OVCH1: variants seen among roughly 807,000 people sequenced by gnomAD.
OVCH1 encodes the protein ovochymase-1.
A neutral mutation model predicts 138.4 loss-of-function variants in OVCH1; 139 were observed. That is an observed-to-expected ratio of 1.00 (90% CI 0.87 to 1.16). The LOEUF (loss-of-function observed/expected upper bound fraction) is 1.16, where lower values mean the gene tolerates loss of function less well. Ranked by LOEUF, OVCH1 falls within the 50% of genes most tolerant of loss-of-function variation. The probability of loss-of-function intolerance (pLI) is 0.00; values close to 1 mark genes in which losing one functional copy is unlikely to be tolerated. For missense variants in OVCH1, 1,367 were observed against 1,357.9 expected (o/e 1.01, Z -0.11); for synonymous variants, 453 against 467.8 (o/e 0.97, Z 0.41).
chr12:29,474,060 A>AACACAC (rs1329610894), intron 14 of OVCH1, among the ~76,000 whole-genome samples: 10 of 115,306 alleles, frequency 8.7e-5, no homozygotes, highest in East Asian at 2.3e-4. Flanking sequence ...ATACTTAATA[A>AACACAC]ACACACACAC....
intron 6 of OVCH1, among the ~76,000 whole-genome samples, chr12:29,489,349 T>C (rs1031768697): frequency 6.6e-6 from 1 of 152,218 alleles, no homozygotes; most frequent in Non-Finnish European, 1.5e-5. Flanking sequence ...TCATCTTGCT[T>C]GATTCCATTA....
chr12:29,423,006 G>A (rs1340005653), downstream of OVCH1: 1 of 241,614 alleles, frequency 4.1e-6, no homozygotes, highest in Non-Finnish European at 8.3e-6. Context: ...TTGAAATGAA[G>A]ATATCCTTTT....
chr12:29,442,642 T>TA (rs547323331), intron 25 of OVCH1, among the ~76,000 whole-genome samples: 19 of 150,890 alleles, frequency 1.3e-4, no homozygotes, highest in African/African-American at 3.9e-4. Flanking sequence ...TAAAAAAAAA[T>TA]AAAAAAAAGA....
At chr12:29,449,303 A>G (rs905918966) in intron 22 of OVCH1, among the ~76,000 whole-genome samples, 18 of 147,424 alleles carry the variant, frequency 1.2e-4, no homozygotes, top group Non-Finnish European at 2.4e-4. Flanking sequence ...ACACACACAC[A>G]CACACACACA....
intron 22 of OVCH1, among the ~76,000 whole-genome samples, chr12:29,445,949 A>G (rs1197924648): frequency 6.6e-6 from 1 of 152,248 alleles, no homozygotes; most frequent in East Asian, 1.9e-4. Flanking sequence ...TTCTAAACTA[A>G]GAATAATTCA....
chr12:29,479,232 G>T (rs78916097), intron 8 of OVCH1, among the ~76,000 whole-genome samples: 3,073 of 152,228 alleles, frequency 0.02, 39 homozygotes, highest in African/African-American at 0.039. Context: ...GAATTTTGAT[G>T]TATAAATTGA....
At position 29,462,029 on chromosome 12, in the gene OVCH1, G is replaced by A. The variant is rs1459555723; in HGVS notation, c.2126-21C>T. On this transcript the variant is annotated intron_variant, in intron 18 of 27. Coordinates refer to ENST00000318184, the Ensembl canonical transcript of OVCH1. ...ACCATCTAATGAAGAAACATTCAGA[G>A]AGAGCTCGATGATGAAGTAAGCAGA... 1.9e-6 allele frequency: 3 copies of A among 1,606,662 alleles called. No individual in the cohort carries two copies. The South Asian group carries it at 3.3e-5, about 18-fold the overall frequency.
rs112156076 is a variant in OVCH1, at chr12:29,458,233, C to T, written c.2281-2828G>A. Among the ~76,000 whole-genome samples the T allele has an allele frequency of 5.3e-5, 8 of 152,104 alleles. 1 individual carries two copies. Among genetic ancestry groups the T allele is most frequent in the East Asian group, 1.9e-4 (1 of 5,182 alleles). On this transcript the variant is annotated intron_variant, in intron 19 of 27. Transcript: ENST00000318184. ...TTGGAATGATCACATTACCTGACTT[C>T]GAATTATATTACAAAGCTATAGTAA...
intron 3 of OVCH1, among the ~76,000 whole-genome samples, chr12:29,414,109 T>A (rs1378616954): frequency 6.8e-6 from 1 of 146,210 alleles, no homozygotes; most frequent in Non-Finnish European, 1.5e-5. Flanking sequence ...AACCTCTACC[T>A]CCACCTTCCA....
intron 16 of OVCH1, among the ~76,000 whole-genome samples, chr12:29,469,779 TG>T (rs895458465): frequency 5.3e-5 from 8 of 150,542 alleles, no homozygotes; most frequent in Admixed American, 6.6e-5. Context: ...AAGGTTGAGG[TG>T]GGAGGATCCC....
intron 18 of OVCH1, 76 bp downstream of exon 18, chr12:29,464,431 G>T: frequency 2.8e-6 from 4 of 1,450,546 alleles, no homozygotes; most frequent in Non-Finnish European, 3.8e-6. Flanking sequence ...AGCGGATGCT[G>T]CTTGATATCA....
intron 7 of OVCH1, chr12:29,487,070 T>G (rs1943131367): frequency 2.9e-6 from 1 of 350,322 alleles, no homozygotes; most frequent in Non-Finnish European, 5.8e-6. Flanking sequence ...TGGACTGCCA[T>G]GAGAAAGCGA....
intron 9 of OVCH1, 125 bp from the exon 11 acceptor site, chr12:29,477,603 G>C: frequency 1.2e-6 from 2 of 1,610,506 alleles, no homozygotes; most frequent in Non-Finnish European, 1.7e-6. Context: ...CTATTTAATG[G>C]TCCTTTGATC....
At position 29,477,629 on chromosome 12, in the gene OVCH1, C is replaced by CT; in HGVS notation, c.1070-52dup. On this transcript the variant is annotated intron_variant, in intron 9 of 27. Coordinates refer to ENST00000318184, the Ensembl canonical transcript of OVCH1. ...TCCTTTGATCATTCAACATTCCCTGCTTCAGTGACTTTGCTATTCCAGTCT... is the reference window on the plus strand; with the variant it reads ...TCCTTTGATCATTCAACATTCCCTGCTTTCAGTGACTTTGCTATTCCAGTCT... 1.9e-6 allele frequency: 3 copies of CT among 1,593,858 alleles called. No homozygotes were observed. The South Asian group carries it at 3.4e-5, about 18-fold the overall frequency.
chr12:29,460,104 C>A (rs991313801), intron 19 of OVCH1, among the ~76,000 whole-genome samples: 1 of 152,150 alleles, frequency 6.6e-6, no homozygotes, highest in Non-Finnish European at 1.5e-5. Flanking sequence ...CATATATGGG[C>A]AGTACATTTG....
At chr12:29,466,524 A>C (rs189705281) in intron 16 of OVCH1, among the ~76,000 whole-genome samples, 81 of 152,270 alleles carry the variant, frequency 5.3e-4, no homozygotes, top group South Asian at 4.6e-3. Context: ...AGTTCAAAGG[A>C]ATTTATCAGT....
chr12:29,457,472 C>T (rs1388607009), intron 19 of OVCH1, among the ~76,000 whole-genome samples: 1 of 124,160 alleles, frequency 8.1e-6, no homozygotes, highest in Non-Finnish European at 1.6e-5. Context: ...GGTGTGATCT[C>T]GGCTCACTGC....
intron 16 of OVCH1, among the ~76,000 whole-genome samples, chr12:29,471,189 T>G (rs1942496155): frequency 6.6e-6 from 1 of 152,220 alleles, no homozygotes; most frequent in African/African-American, 2.4e-5. Context: ...CATTTAACAT[T>G]AATATCTATT....
At chr12:29,449,817 T>A (rs1044981913) in intron 22 of OVCH1, among the ~76,000 whole-genome samples, 3 of 152,114 alleles carry the variant, frequency 2.0e-5, no homozygotes, top group African/African-American at 7.2e-5. Context: ...AAAACAGATA[T>A]ATAGACCAAT....
Sources: gnomAD v4.1 joint callset for allele counts (sites outside exome capture counted in the v4.1 genomes callset) on GRCh38, gnomAD v4.1.1 for gene constraint, MANE v1.5 for transcripts, NCBI Gene and HGNC (gene_info 2026-07-23, HGNC 2026-07-21) for gene names.